The following DNER variants were observed in gnomAD, a reference collection of about 807,000 sequenced individuals.
The protein encoded by DNER is delta/notch like EGF repeat containing.
Under a neutral mutation model 78.2 loss-of-function variants are expected in DNER, and 33 were observed. The observed-to-expected ratio is 0.42, with a 90% confidence interval of 0.32 to 0.56. The LOEUF (loss-of-function observed/expected upper bound fraction) is 0.56, where lower values mean the gene tolerates loss of function less well. Among genes scored for constraint, DNER ranks in the 20% least tolerant of loss-of-function variants. DNER has a pLI of 0.11. For synonymous variants in DNER, 417 were observed against 384.8 expected, an observed-to-expected ratio of 1.08 and a Z score of -0.98; for missense variants, 918 against 975.3, an observed-to-expected ratio of 0.94 and a Z score of 0.78.
At chr2:229,648,740 C>T (rs147580266) in intron 1 of DNER, among the ~76,000 whole-genome samples, 6 of 152,286 alleles carry the variant, frequency 3.9e-5, no homozygotes, top group African/African-American at 9.6e-5. Context: ...AGATATTATA[C>T]GGTAAACTTC....
intron 4 of DNER, among the ~76,000 whole-genome samples, chr2:229,583,457 T>C (rs994737251): frequency 6.6e-6 from 1 of 152,232 alleles, no homozygotes; most frequent in Non-Finnish European, 1.5e-5. Flanking sequence ...ACAGAATAGC[T>C]GTACGGGTGC....
At chr2:229,508,123 T>A (rs1158274220) in intron 6 of DNER, among the ~76,000 whole-genome samples, 1 of 152,192 alleles carries the variant, frequency 6.6e-6, no homozygotes, top group African/African-American at 2.4e-5. Flanking sequence ...ATGAGACTCC[T>A]TTTTATACCT....
chr2:229,501,974 G>A (rs1695631488), intron 6 of DNER, among the ~76,000 whole-genome samples: 1 of 152,262 alleles, frequency 6.6e-6, no homozygotes, highest in South Asian at 2.1e-4. Flanking sequence ...CTGCTGCTTT[G>A]GTCAAAGAAG....
intron 1 of DNER, among the ~76,000 whole-genome samples, chr2:229,684,141 TATGTGAGAGAGA>T (rs1699438425): frequency 8.8e-6 from 1 of 113,440 alleles, no homozygotes; most frequent in African/African-American, 3.5e-5. Flanking sequence ...TGTGTCTGTG[TATGTGAGAGAGA>T]GAGAGAGAGA....
chr2:229,504,104 T>C (rs1695683430), intron 6 of DNER, among the ~76,000 whole-genome samples: 1 of 152,158 alleles, frequency 6.6e-6, no homozygotes, highest in Non-Finnish European at 1.5e-5. Context: ...TGGCCTGTGG[T>C]GACGTGTGTA....
intron 6 of DNER, among the ~76,000 whole-genome samples, chr2:229,488,150 G>T (rs932093186): frequency 6.6e-6 from 1 of 152,320 alleles, no homozygotes; most frequent in East Asian, 1.9e-4. Flanking sequence ...GTCGAAACTG[G>T]GTGTGGGATG....
At chr2:229,681,934 T>G (rs904511875) in intron 1 of DNER, among the ~76,000 whole-genome samples, 3 of 152,182 alleles carry the variant, frequency 2.0e-5, no homozygotes, top group South Asian at 2.1e-4. Context: ...TTAGTAAATG[T>G]CATCTCAAGA....
At chr2:229,487,921 G>C (rs1215647580) in intron 6 of DNER, among the ~76,000 whole-genome samples, 3 of 152,202 alleles carry the variant, frequency 2.0e-5, no homozygotes, top group Non-Finnish European at 4.4e-5. Flanking sequence ...ACAAGGCTAG[G>C]CTAGGGCCCC....
chr2:229,426,803 T>G (rs927669147), intron 8 of DNER, among the ~76,000 whole-genome samples: 2 of 152,220 alleles, frequency 1.3e-5, no homozygotes, highest in Non-Finnish European at 2.9e-5. Flanking sequence ...ACCTGCTGGT[T>G]TTGATAACTG....
intron 8 of DNER, among the ~76,000 whole-genome samples, chr2:229,428,840 A>G (rs1426440117): frequency 6.6e-6 from 1 of 152,122 alleles, no homozygotes; most frequent in Non-Finnish European, 1.5e-5. Context: ...AAAAAGAGAG[A>G]GCAGGATCAG....
chr2:229,713,915 G>C (rs1194476000), intron 1 of DNER, among the ~76,000 whole-genome samples: 2 of 152,176 alleles, frequency 1.3e-5, no homozygotes, highest in Non-Finnish European at 2.9e-5. Flanking sequence ...GCCCCGGAGC[G>C]GCACACCCCG....
chr2:229,582,414 C>A (rs1697416603), intron 4 of DNER, among the ~76,000 whole-genome samples: 1 of 152,072 alleles, frequency 6.6e-6, no homozygotes, highest in South Asian at 2.1e-4. Flanking sequence ...CGGGACAGGA[C>A]TGCTGGCTAC....
At chr2:229,446,885 C>T (rs34836319) in intron 8 of DNER, among the ~76,000 whole-genome samples, 28,300 of 152,054 alleles carry the variant, frequency 0.19, 3,436 homozygotes, top group Non-Finnish European at 0.27. Context: ...TTTTCATGCA[C>T]GTTAAGATGA....
At chr2:229,550,706 C>T (rs1279640622) in intron 4 of DNER, among the ~76,000 whole-genome samples, 1 of 151,962 alleles carries the variant, frequency 6.6e-6, no homozygotes, top group Admixed American at 6.6e-5. Context: ...AACCGGGAGG[C>T]GGAGGTTGCA....
intron 8 of DNER, among the ~76,000 whole-genome samples, chr2:229,427,292 T>C (rs1356281946): frequency 6.6e-6 from 1 of 152,258 alleles, no homozygotes; most frequent in Non-Finnish European, 1.5e-5. Flanking sequence ...AGAGGCTCTC[T>C]GGCTTTAATA....
At chr2:229,653,732 T>C (rs1292306240) in intron 1 of DNER, among the ~76,000 whole-genome samples, 2 of 152,176 alleles carry the variant, frequency 1.3e-5, no homozygotes, top group African/African-American at 2.4e-5. Context: ...CGTGAATCCA[T>C]CTCCTACAGC....
At chr2:229,395,073 A>T (rs1224230759) in intron 10 of DNER, among the ~76,000 whole-genome samples, 2 of 152,266 alleles carry the variant, frequency 1.3e-5, no homozygotes, top group East Asian at 3.9e-4. Context: ...ATAAGCAGAC[A>T]GATTCCTCTT....
At position 229,517,950 on chromosome 2, in the gene DNER, G is replaced by A. The variant is rs745327829; in HGVS notation, c.994-5014C>T. ...AAATTTTGGAAAAGATAGTTCTTGC[G>A]CCAGAAAAGACCTGAAAATGCATTG... is the stretch of plus-strand genomic sequence containing the variant. On this transcript the variant is annotated intron_variant, in intron 5 of 12. Coordinates refer to ENST00000341772, the MANE Select transcript of DNER (RefSeq NM_139072.4). 6.3e-4 allele frequency among the ~76,000 whole-genome samples: 96 copies of A among 152,258 alleles called. 1 individual carries two copies. The highest frequency in any genetic ancestry group is 8.3e-4 in the South Asian group (4 of 4,824).
Position 229,367,127 on chromosome 2 carries a change from C to A in DNER, c.1856-8G>T, listed in dbSNP as rs553161857. 5.0e-6 allele frequency: 8 copies of A among 1,613,420 alleles called. No individual in the cohort carries two copies. The East Asian group carries it at 1.6e-4, about 31-fold the overall frequency. On this transcript the variant is annotated splice_polypyrimidine_tract_variant and splice_region_variant and intron_variant, in intron 11 of 12. Coordinates refer to ENST00000341772, the MANE Select transcript of DNER (RefSeq NM_139072.4). ...CGGACTTCCATTGGAGGTCTGCAGG[C>A]AAAAATAAGCAAATGGCTGGGTATG...
Sources: gnomAD v4.1 joint callset for allele counts (sites outside exome capture counted in the v4.1 genomes callset) on GRCh38, gnomAD v4.1.1 for gene constraint, MANE v1.5 for transcripts, NCBI Gene and HGNC (gene_info 2026-07-23, HGNC 2026-07-21) for gene names.